The following MCTP1 variants were observed in gnomAD, a reference collection of about 807,000 sequenced individuals.
MCTP1 encodes multiple C2 and transmembrane domain-containing protein 1.
In MCTP1, 69 loss-of-function variants were observed where a neutral mutation model predicts 120.6. The observed-to-expected ratio is 0.57, with a 90% CI of 0.47 to 0.70. The LOEUF (loss-of-function observed/expected upper bound fraction) is 0.70. Among genes scored for constraint, MCTP1 ranks in the 30% least tolerant of loss-of-function variants. MCTP1 has a pLI of 0.00. For missense variants in MCTP1, 1,203 were observed against 1,248.8 expected (o/e 0.96, Z 0.55); for synonymous variants, 529 against 493.1 (o/e 1.07, Z -0.96).
At chr5:94,762,541 C>A (rs1050170140) in intron 19 of MCTP1, among the ~76,000 whole-genome samples, 4 of 152,126 alleles carry the variant, frequency 2.6e-5, no homozygotes, top group Admixed American at 2.6e-4. Flanking sequence ...CTGTCAAGAC[C>A]CAGTGCCTAG....
chr5:95,005,772 T>TA (rs1562004142), intron 2 of MCTP1, among the ~76,000 whole-genome samples: 1 of 88,938 alleles, frequency 1.1e-5, no homozygotes, highest in African/African-American at 4.3e-5. Flanking sequence ...CTTTCTTTAT[T>TA]TTTTTTTTTT....
At chr5:95,106,136 C>T (rs1455842415) in intron 1 of MCTP1, among the ~76,000 whole-genome samples, 2 of 152,210 alleles carry the variant, frequency 1.3e-5, no homozygotes, top group African/African-American at 4.8e-5. Flanking sequence ...GGAACCATCA[C>T]ACCACATTCT....
At chr5:95,106,554 G>A (rs1001412404) in intron 1 of MCTP1, among the ~76,000 whole-genome samples, 2 of 152,168 alleles carry the variant, frequency 1.3e-5, no homozygotes, top group African/African-American at 4.8e-5. Context: ...TGTTCAGGCT[G>A]GTTTGTACTG....
intron 19 of MCTP1, among the ~76,000 whole-genome samples, chr5:94,766,207 A>G (rs1772661562): frequency 6.6e-6 from 1 of 152,262 alleles, no homozygotes; most frequent in South Asian, 2.1e-4. Context: ...AGATCATGCC[A>G]CTGCACTCTA....
chr5:95,077,236 C>T (rs1427957112), intron 1 of MCTP1, among the ~76,000 whole-genome samples: 2 of 152,046 alleles, frequency 1.3e-5, no homozygotes, highest in Non-Finnish European at 2.9e-5. Context: ...TGATATTCTG[C>T]CATGACTGTT....
intron 1 of MCTP1, among the ~76,000 whole-genome samples, chr5:95,105,826 A>G (rs562502826): frequency 6.6e-6 from 1 of 152,302 alleles, no homozygotes; most frequent in Admixed American, 6.5e-5. Flanking sequence ...TGGGCACACC[A>G]TCCAGGAAAA....
intron 1 of MCTP1, among the ~76,000 whole-genome samples, chr5:95,085,963 C>T (rs866160946): frequency 2.6e-5 from 4 of 151,666 alleles, no homozygotes; most frequent in Non-Finnish European, 4.4e-5. Context: ...TTGTTCTATT[C>T]CTTTGTCAAT....
intron 6 of MCTP1, 79 bp from the exon 7 acceptor site, chr5:94,924,100 T>C (rs1812396911): frequency 1.2e-6 from 1 of 866,228 alleles, no homozygotes; most frequent in Non-Finnish European, 1.7e-6. Flanking sequence ...ACAAATAAAA[T>C]CAAAGCAAAT....
chr5:95,261,166 A>G (rs953407350), intron 1 of MCTP1, among the ~76,000 whole-genome samples: 5 of 152,210 alleles, frequency 3.3e-5, no homozygotes, highest in Non-Finnish European at 5.9e-5. Context: ...TATCTGAGTA[A>G]CTGCTATCCA....
intron 1 of MCTP1, among the ~76,000 whole-genome samples, chr5:95,019,245 A>G (rs1320838618): frequency 1.3e-5 from 2 of 152,114 alleles, no homozygotes; most frequent in African/African-American, 4.8e-5. Flanking sequence ...TAGTTAACAC[A>G]TCTTTCACCT....
chr5:95,014,277 A>ACAG (rs1581844624), intron 2 of MCTP1, among the ~76,000 whole-genome samples: 2 of 148,074 alleles, frequency 1.4e-5, no homozygotes, highest in East Asian at 4.0e-4. Flanking sequence ...AACAACAACA[A>ACAG]AAAATCCATG....
intron 3 of MCTP1, among the ~76,000 whole-genome samples, chr5:94,950,726 G>C (rs1820304050): frequency 6.6e-6 from 1 of 151,890 alleles, no homozygotes; most frequent in Non-Finnish European, 1.5e-5. Context: ...GGCCGAGGAG[G>C]GCAGATCACG....
Position 95,247,363 on chromosome 5 carries a change from T to G in MCTP1, c.720+36493A>C, listed in dbSNP as rs370324398. Among the ~76,000 whole-genome samples, 4 of 152,320 alleles carry G rather than the reference T, an allele frequency of 2.6e-5. No individual in the cohort carries two copies. The East Asian group carries it at 7.7e-4, about 29-fold the overall frequency. On this transcript the variant is annotated intron_variant, in intron 1 of 22. Transcript: ENST00000515393. ...ACCAGCTCCTGGATTCATTGATTTT[T>G]CGAAGGGTTTTTTTGTGTCTCTGTC...
intron 19 of MCTP1, among the ~76,000 whole-genome samples, chr5:94,747,709 T>A (rs1218595262): frequency 6.6e-6 from 1 of 152,012 alleles, no homozygotes; most frequent in Non-Finnish European, 1.5e-5. Context: ...GGATCTAGAA[T>A]CGAGGTCTTC....
At chr5:94,987,513 T>C (rs541999365) in intron 2 of MCTP1, among the ~76,000 whole-genome samples, 6 of 152,322 alleles carry the variant, frequency 3.9e-5, no homozygotes, top group Non-Finnish European at 7.3e-5. Flanking sequence ...ATATCAACTC[T>C]GGGAAAGTCA....
At chr5:95,045,571 T>C (rs1843006917) in intron 1 of MCTP1, among the ~76,000 whole-genome samples, 1 of 152,046 alleles carries the variant, frequency 6.6e-6, no homozygotes, top group South Asian at 2.1e-4. Flanking sequence ...GCCTAGGCAA[T>C]TGGTGAAGTG....
chr5:95,164,366 G>A (rs1746084590), intron 1 of MCTP1, among the ~76,000 whole-genome samples: 1 of 152,036 alleles, frequency 6.6e-6, no homozygotes, highest in Admixed American at 6.6e-5. Flanking sequence ...AACAATAAAT[G>A]TTTTGGAATC....
chr5:94,827,158 G>A (rs1286303191), intron 17 of MCTP1, among the ~76,000 whole-genome samples: 4 of 152,142 alleles, frequency 2.6e-5, no homozygotes, highest in African/African-American at 9.7e-5. Context: ...ATGTAAGGCA[G>A]ACCTGGTGGT....
intron 2 of MCTP1, among the ~76,000 whole-genome samples, chr5:95,013,070 C>T (rs1466740898): frequency 6.6e-6 from 1 of 152,068 alleles, no homozygotes; most frequent in African/African-American, 2.4e-5. Context: ...ATAAGAAAGC[C>T]ACCCAGCCTC....
Sources: gnomAD v4.1 joint callset for allele counts (sites outside exome capture counted in the v4.1 genomes callset) on GRCh38, gnomAD v4.1.1 for gene constraint, MANE v1.5 for transcripts, NCBI Gene and HGNC (gene_info 2026-07-23, HGNC 2026-07-21) for gene names.